The following QPCTL variants were observed in gnomAD, a reference collection of about 807,000 sequenced individuals.
QPCTL encodes the protein glutaminyl-peptide cyclotransferase like.
QPCTL carries 31 observed loss-of-function variants against 34.6 expected under a neutral mutation model. The ratio of observed to expected loss-of-function variants is 0.90; its 90% CI spans 0.67 to 1.21. QPCTL has a LOEUF of 1.21. QPCTL is among the 50% of genes most tolerant of loss of function. The probability of loss-of-function intolerance (pLI) is 0.00; values close to 1 mark genes in which losing one functional copy is unlikely to be tolerated. For synonymous variants in QPCTL, 223 were observed against 226.9 expected, an observed-to-expected ratio of 0.98 and a Z score of 0.15; for missense variants, 474 against 507.8, an observed-to-expected ratio of 0.93 and a Z score of 0.64.
intron 6 of QPCTL, 139 bp from the exon 7 acceptor site, chr19:45,702,763 CAA>C (rs375783981): frequency 0.011 from 9,112 of 802,270 alleles, no homozygotes; most frequent in South Asian, 0.016. Flanking sequence ...GACTCTGTCT[CAA>C]AAAAAAAAAA....
intron 3 of QPCTL, 58 bp from the exon 4 acceptor site, chr19:45,698,489 G>A (rs1160857585): frequency 4.4e-6 from 7 of 1,600,976 alleles, no homozygotes; most frequent in African/African-American, 1.3e-5. Flanking sequence ...GTGTGGGTAT[G>A]TTGAGGCTGA....
chr19:45,697,276 G>A (rs1477055920), intron 3 of QPCTL, among the ~76,000 whole-genome samples: 1 of 151,336 alleles, frequency 6.6e-6, no homozygotes, highest in East Asian at 1.9e-4. Flanking sequence ...AATACAAAAA[G>A]TTAGCTGGGC....
At chr19:45,700,504 C>G (rs1967789150) in intron 5 of QPCTL, among the ~76,000 whole-genome samples, 1 of 152,064 alleles carries the variant, frequency 6.6e-6, no homozygotes. Flanking sequence ...GCTCACCCAG[C>G]CTTTCCTCTA....
intron 5 of QPCTL, 105 bp downstream of exon 5, chr19:45,699,005 G>T: frequency 9.3e-6 from 8 of 863,116 alleles, no homozygotes; most frequent in African/African-American, 1.7e-5. Flanking sequence ...TCATCCACCA[G>T]TCTGGGCCAC....
In QPCTL at chr19:45,693,489, G is replaced by A. The variant is rs567357910; in HGVS notation, c.284G>A (p.Ser95Asn). The A allele has an allele frequency of 3.7e-6, 6 of 1,613,320 alleles. No individual in the cohort carries two copies. In the Admixed American group the frequency reaches 8.3e-5, roughly 22 times the overall value. Reference protein sequence around the residue: ...VGQLDPQRLWSTYLRPLLVVR... With the variant: ...VGQLDPQRLWNTYLRPLLVVR... The stretch of plus-strand genomic sequence containing the variant: ...CAACTGGATCCACAGCGTCTCTGGA[G>A]CACTTATCTGCGCCCCCTGCTGGTT... Residue 95 changes from serine to asparagine, a missense_variant, in exon 2 of 7, where the codon AGC (serine) becomes AAC (asparagine). By Grantham distance (46) the Ser-to-Asn change is conservative. Transcript: ENST00000012049.
At chr19:45,694,638 T>C (rs1368065575) in intron 2 of QPCTL, among the ~76,000 whole-genome samples, 1 of 151,528 alleles carries the variant, frequency 6.6e-6, no homozygotes, top group Non-Finnish European at 1.5e-5. Flanking sequence ...GCCTGGCTAA[T>C]TTTTTGTATT....
chr19:45,698,753 C>A (rs1568539173), intron 4 of QPCTL, 48 bp from the exon 5 acceptor site: 1 of 1,613,326 alleles, frequency 6.2e-7, no homozygotes, highest in Admixed American at 1.7e-5. Context: ...TTAAGCAGGG[C>A]TGGCGTCATC....
chr19:45,695,508 A>AC lies in QPCTL; in HGVS notation c.427dup (p.Leu143ProfsTer28). ...AGCTGGATCCCTTCACAGCCTCAAC[A>AC]CCCCTGGGGCCAGTGGACTTTGGCA... On this transcript the variant is annotated frameshift_variant, in exon 3 of 7. Transcript: ENST00000012049. LOFTEE classifies it high-confidence loss of function. 1 of 1,613,590 alleles carries AC rather than the reference A, an allele frequency of 6.2e-7. No individual in the cohort carries two copies. Among genetic ancestry groups the AC allele is most frequent in the Non-Finnish European group, 8.5e-7 (1 of 1,179,922 alleles).
At chr19:45,700,599 A>T (rs113248128) in intron 5 of QPCTL, among the ~76,000 whole-genome samples, 1 of 152,118 alleles carries the variant, frequency 6.6e-6, no homozygotes, top group East Asian at 1.9e-4. Flanking sequence ...GTGGTTTCCA[A>T]TCTTACCAGC....
chr19:45,693,627 G>C, intron 2 of QPCTL, 71 bp downstream of exon 2: 1 of 1,505,772 alleles, frequency 6.6e-7, no homozygotes, highest in Non-Finnish European at 8.9e-7. Flanking sequence ...TCCTGTTCAA[G>C]ATCCCAAAGA....
intron 5 of QPCTL, among the ~76,000 whole-genome samples, chr19:45,700,234 C>T (rs534007578): frequency 6.6e-6 from 1 of 152,068 alleles, no homozygotes; most frequent in East Asian, 1.9e-4. Flanking sequence ...ATCACAAGGT[C>T]AGGAGTTTGA....
intron 5 of QPCTL, among the ~76,000 whole-genome samples, chr19:45,700,957 C>CAAA (rs773396546): frequency 2.1e-5 from 1 of 46,782 alleles, no homozygotes; most frequent in African/African-American, 7.6e-5. Context: ...GACTCTGTCT[C>CAAA]AAAAAAAAAA....
At chr19:45,700,377 C>G (rs946464309) in intron 5 of QPCTL, among the ~76,000 whole-genome samples, 2 of 150,058 alleles carry the variant, frequency 1.3e-5, no homozygotes, top group African/African-American at 4.9e-5. Context: ...CCTGGGAGCA[C>G]AGGTTGCAGT....
chr19:45,694,366 G>A (rs189356988), intron 2 of QPCTL, among the ~76,000 whole-genome samples: 42 of 151,962 alleles, frequency 2.8e-4, no homozygotes, highest in African/African-American at 3.9e-4. Flanking sequence ...GTGACAGAGC[G>A]AGACTCCATC....
At chr19:45,701,289 T>A (rs992261375) in intron 5 of QPCTL, among the ~76,000 whole-genome samples, 1 of 151,662 alleles carries the variant, frequency 6.6e-6, no homozygotes, top group African/African-American at 2.4e-5. Flanking sequence ...TTTTTTTTTT[T>A]TTTGGAGACA....
At position 45,695,600 on chromosome 19, in the gene QPCTL, A is replaced by T. The variant is rs773840751; in HGVS notation, c.515A>T (p.Lys172Met). 9.9e-6 allele frequency: 16 copies of T among 1,613,832 alleles called. No individual in the cohort carries two copies. The highest frequency in any genetic ancestry group is 1.4e-5 in the Non-Finnish European group (16 of 1,179,950). Residue 172 changes from lysine to methionine, a missense_variant, in exon 3 of 7, where the codon AAG becomes ATG. Lys to Met is a moderately conservative substitution (Grantham distance 95). Transcript: ENST00000012049. ...HLTLACHYDS[K>M]LFPPGSTPFV... ...ACCCTTGCCTGCCATTATGACTCGA[A>T]GCTCTTCCCACCCGGATCGACCCCC...
chr19:45,703,012 T>G lies in QPCTL; in HGVS notation c.1112T>G (p.Ile371Ser). The G allele has an allele frequency of 6.2e-7, 1 of 1,614,132 alleles. No individual in the cohort carries two copies. Among genetic ancestry groups the G allele is most frequent in the Non-Finnish European group, 8.5e-7 (1 of 1,180,018 alleles). ...CCCACGGTACACAACTTGTGCCGCA[T>G]TCTCGCTGTGTTCCTGGCTGAATAC... is the stretch of plus-strand genomic sequence containing the variant. ...HPPTVHNLCR[I>S]LAVFLAEYLG... Residue 371 changes from isoleucine (I) to serine (S), a missense_variant, in exon 7 of 7, where the codon ATT becomes AGT. Transcript: ENST00000012049.
chr19:45,702,868 G>A (rs376525574), intron 6 of QPCTL, 36 bp from the exon 7 acceptor site: 2 of 1,613,082 alleles, frequency 1.2e-6, no homozygotes, highest in African/African-American at 1.3e-5. Context: ...GTGGTGGGCT[G>A]CAGTGGACCT....
chr19:45,701,421 G>A lies in QPCTL; in HGVS notation c.887-377G>A, dbSNP rs574230289. On this transcript the variant is annotated intron_variant, in intron 5 of 6. Coordinates refer to ENST00000012049, the MANE Select transcript of QPCTL (RefSeq NM_017659.4). ...CTCCCAAGTAGCTGGGATTACAGGC[G>A]CCCACCACCACACCCAGCTAATTTT... Among the ~76,000 whole-genome samples the A allele has an allele frequency of 1.3e-3, 201 of 151,796 alleles. 2 individuals are homozygous for A. The highest frequency in any genetic ancestry group is 2.1e-3 in the Non-Finnish European group (141 of 67,918).
Sources: allele counts gnomAD v4.1 joint callset (sites outside exome capture counted in the v4.1 genomes callset), GRCh38; gene constraint gnomAD v4.1.1; transcripts MANE v1.5; gene names NCBI Gene and HGNC (gene_info 2026-07-23, HGNC 2026-07-21).